CDC5L: variants seen among roughly 807,000 people sequenced by gnomAD.
The protein encoded by CDC5L is cell division cycle 5 like.
In CDC5L, 18 loss-of-function variants were observed where a neutral mutation model predicts 104.1. The observed-to-expected ratio is 0.17, with a 90% CI of 0.12 to 0.26. CDC5L has a LOEUF of 0.26. Among genes scored for constraint, CDC5L ranks in the 10% least tolerant of loss-of-function variants. The pLI is 1.00. For missense variants in CDC5L, 673 were observed against 956.9 expected (o/e 0.70, Z 3.91); for synonymous variants, 331 against 322.7 (o/e 1.03, Z -0.28).
rs755405339 is a variant in CDC5L at position 44,408,506 on chromosome 6, A to C, written c.966A>C (p.Gln322His). 1 of 1,614,062 alleles carries C rather than the reference A, an allele frequency of 6.2e-7. No individual in the cohort carries two copies. The highest frequency in any genetic ancestry group is 8.5e-7 in the Non-Finnish European group (1 of 1,179,900). The change falls in exon 8 of 16, where the codon CAA becomes CAC. Residue 322 changes from glutamine to histidine, a missense_variant. This residue lies in a region of CDC5L where 578 missense variants were observed against 737.0 expected (regional missense o/e 0.78). Transcript: ENST00000371477. The part of the protein sequence containing the change: ...KVGQASEIAR[Q>H]TAEESGITNS... ...GCCAAGCGAGTGAAATTGCACGTCA[A>C]ACTGCCGAGGAATCTGGCATAACAA... is the stretch of plus-strand genomic sequence containing the variant.
intron 14 of CDC5L, among the ~76,000 whole-genome samples, chr6:44,432,285 T>C (rs534372252): frequency 4.6e-5 from 7 of 152,344 alleles, no homozygotes; most frequent in Admixed American, 1.3e-4. Context: ...AAGTTTGTTG[T>C]GGGGAAGGAA....
chr6:44,403,346 CTT>C (rs908916772), intron 5 of CDC5L, among the ~76,000 whole-genome samples: 1 of 146,648 alleles, frequency 6.8e-6, no homozygotes, highest in Non-Finnish European at 1.5e-5. Context: ...AAAAAAAAAA[CTT>C]TGCTTAGACT....
chr6:44,439,509 T>C (rs1235088116), intron 14 of CDC5L, among the ~76,000 whole-genome samples: 3 of 152,218 alleles, frequency 2.0e-5, no homozygotes, highest in African/African-American at 7.2e-5. Context: ...GTGTGTTGTT[T>C]GGTCTTGTGG....
chr6:44,393,139 G>T (rs1790693175), intron 3 of CDC5L, among the ~76,000 whole-genome samples: 1 of 147,134 alleles, frequency 6.8e-6, no homozygotes. Flanking sequence ...ATTAACTACT[G>T]GAACATTTTG....
At chr6:44,431,546 T>A (rs1368807949) in intron 14 of CDC5L, among the ~76,000 whole-genome samples, 1 of 152,216 alleles carries the variant, frequency 6.6e-6, no homozygotes, top group Non-Finnish European at 1.5e-5. Flanking sequence ...ATGAAAATCT[T>A]CTCATTTGAG....
intron 14 of CDC5L, among the ~76,000 whole-genome samples, chr6:44,432,484 G>A (rs1792730536): frequency 6.6e-6 from 1 of 151,792 alleles, no homozygotes; most frequent in Admixed American, 6.6e-5. Context: ...GCAAGATGAA[G>A]TCCAGCTTTG....
At chr6:44,432,266 C>T (rs1255544978) in intron 14 of CDC5L, among the ~76,000 whole-genome samples, 2 of 152,116 alleles carry the variant, frequency 1.3e-5, no homozygotes, top group Non-Finnish European at 2.9e-5. Flanking sequence ...AAATTATAAA[C>T]ATTATTCAAA....
Position 44,437,208 on chromosome 6 carries a change from C to T in CDC5L, c.2091+7298C>T, listed in dbSNP as rs528921252. Among the ~76,000 whole-genome samples, 6 of 152,218 alleles carry T rather than the reference C, an allele frequency of 3.9e-5. No individual in the cohort carries two copies. In the East Asian group the frequency reaches 1.2e-3, roughly 29 times the overall value. On this transcript the variant is annotated intron_variant, in intron 14 of 15. Transcript: ENST00000371477. ...GGGCTGATTTAAGCTAGTCCTGTCC[C>T]TGTATGCATGTACATTTCATGCTTG... is the stretch of plus-strand genomic sequence containing the variant.
intron 8 of CDC5L, among the ~76,000 whole-genome samples, chr6:44,417,956 T>A (rs1791978730): frequency 6.6e-6 from 1 of 152,242 alleles, no homozygotes; most frequent in African/African-American, 2.4e-5. Flanking sequence ...AGCACACCTC[T>A]ACACATAAAA....
At chr6:44,441,929 G>GTT (rs1185055855) in intron 14 of CDC5L, among the ~76,000 whole-genome samples, 7 of 110,622 alleles carry the variant, frequency 6.3e-5, no homozygotes, top group South Asian at 3.3e-4. Context: ...GTAAGGTCTT[G>GTT]TTCTTTTTTT....
At chr6:44,432,698 G>A (rs2153382726) in intron 14 of CDC5L, among the ~76,000 whole-genome samples, 1 of 152,314 alleles carries the variant, frequency 6.6e-6, no homozygotes, top group Middle Eastern at 3.4e-3. Context: ...TGTGCAAGGA[G>A]TTTGTTAAAT....
chr6:44,419,536 G>C lies in CDC5L; in HGVS notation c.1180G>C (p.Gly394Arg), dbSNP rs1156675653. Reference sequence around the variant, plus strand: ...CCCATTGCATGAGAGTGACTTCTCAGGTGTAACTCCACAGCGACAAGTTGT... The same window carrying C: ...CCCATTGCATGAGAGTGACTTCTCACGTGTAACTCCACAGCGACAAGTTGT... ...NTPLHESDFS[G>R]VTPQRQVVQT... Residue 394 changes from glycine (G) to arginine (R), a missense_variant, in exon 9 of 16, where the codon GGT becomes CGT. This residue lies in a region of CDC5L where 578 missense variants were observed against 737.0 expected (regional missense o/e 0.78). Transcript: ENST00000371477. 1 of 1,613,382 alleles carries C rather than the reference G, an allele frequency of 6.2e-7. No individual in the cohort carries two copies. Among genetic ancestry groups the C allele is most frequent in the South Asian group, 1.1e-5 (1 of 91,050 alleles).
chr6:44,410,081 A>G (rs1261470372), intron 8 of CDC5L, among the ~76,000 whole-genome samples: 1 of 152,088 alleles, frequency 6.6e-6, no homozygotes, highest in African/African-American at 2.4e-5. Flanking sequence ...TTTTTGTGGT[A>G]AGAACACTTA....
At chr6:44,416,691 C>T (rs1013503566) in intron 8 of CDC5L, among the ~76,000 whole-genome samples, 8 of 152,148 alleles carry the variant, frequency 5.3e-5, no homozygotes, top group African/African-American at 1.7e-4. Flanking sequence ...TCAGATGCAC[C>T]GGCATTTTAC....
chr6:44,426,060 A>G (rs1379894734), intron 11 of CDC5L, 43 bp from the exon 12 acceptor site: 1 of 1,326,340 alleles, frequency 7.5e-7, no homozygotes, highest in Non-Finnish European at 1.1e-6. Context: ...GAGATATCAA[A>G]TACGCTATAG....
chr6:44,400,992 CCT>C (rs1791097391), intron 5 of CDC5L, among the ~76,000 whole-genome samples: 2 of 152,140 alleles, frequency 1.3e-5, no homozygotes, highest in African/African-American at 4.8e-5. Context: ...GCTCTTATTC[CCT>C]GTTTCTCTCT....
At chr6:44,396,524 G>GTTTTT in intron 5 of CDC5L, 84 bp downstream of exon 5, 1 of 583,708 alleles carries the variant, frequency 1.7e-6, no homozygotes. Context: ...CAGATATGTG[G>GTTTTT]TTTTTTTTTT....
chr6:44,426,372 A>G (rs1393912616), intron 12 of CDC5L, 110 bp from the exon 13 acceptor site: 4 of 819,432 alleles, frequency 4.9e-6, no homozygotes, highest in Non-Finnish European at 7.6e-6. Flanking sequence ...AAAAAAATGG[A>G]AATTGCTTTT....
At chr6:44,407,821 TA>T (rs1791442494) in intron 7 of CDC5L, among the ~76,000 whole-genome samples, 2 of 152,212 alleles carry the variant, frequency 1.3e-5, no homozygotes, top group African/African-American at 4.8e-5. Flanking sequence ...GGATATTTAT[TA>T]AACTGAAATT....
Sources: allele counts gnomAD v4.1 joint callset (sites outside exome capture counted in the v4.1 genomes callset), GRCh38; gene constraint gnomAD v4.1.1; regional missense constraint gnomAD v4.1.1; transcripts MANE v1.5; gene names NCBI Gene and HGNC (gene_info 2026-07-23, HGNC 2026-07-21).